CNTN4: variants seen among roughly 807,000 people sequenced by gnomAD.
The protein encoded by CNTN4 is contactin-4.
A neutral mutation model predicts 122.5 loss-of-function variants in CNTN4; 77 were observed. The ratio of observed to expected loss-of-function variants is 0.63; its 90% confidence interval spans 0.52 to 0.76. The LOEUF (loss-of-function observed/expected upper bound fraction) is 0.76, where lower values mean the gene tolerates loss of function less well. Ranked by LOEUF, CNTN4 falls within the 30% of genes least tolerant of loss-of-function variation. The probability of loss-of-function intolerance (pLI) is 0.00; values close to 1 mark genes in which losing one functional copy is unlikely to be tolerated. For synonymous variants in CNTN4, 512 were observed against 447.0 expected (o/e 1.15, Z -1.83); for missense variants, 1,256 against 1,259.1 (o/e 1.00, Z 0.04).
chr3:2,969,881 T>A (rs1479326924), intron 13 of CNTN4, among the ~76,000 whole-genome samples: 2 of 152,078 alleles, frequency 1.3e-5, no homozygotes, highest in Non-Finnish European at 2.9e-5. Flanking sequence ...TGGATGTGTG[T>A]CAGAACTCAA....
intron 4 of CNTN4, among the ~76,000 whole-genome samples, chr3:2,706,270 C>T (rs945956946): frequency 7.2e-5 from 11 of 151,994 alleles, no homozygotes; most frequent in Admixed American, 5.9e-4. Flanking sequence ...TTATGCCCAA[C>T]ACTATGATCA....
chr3:2,868,341 C>A (rs558340852), intron 8 of CNTN4, among the ~76,000 whole-genome samples: 1 of 152,302 alleles, frequency 6.6e-6, no homozygotes, highest in East Asian at 1.9e-4. Flanking sequence ...CTTACTGACT[C>A]CAGAGCCTGA....
chr3:2,801,910 G>T (rs1158505468), intron 6 of CNTN4, among the ~76,000 whole-genome samples: 1 of 152,096 alleles, frequency 6.6e-6, no homozygotes, highest in East Asian at 1.9e-4. Flanking sequence ...TGCTTACTGA[G>T]ATGTTTTCTT....
intron 12 of CNTN4, among the ~76,000 whole-genome samples, chr3:2,920,366 A>AC (rs2094416564): frequency 1.1e-5 from 1 of 87,010 alleles, no homozygotes; most frequent in East Asian, 4.1e-4. Context: ...TGACAATAGA[A>AC]TAGTTCCCTA....
In CNTN4 at chr3:3,038,932, G is replaced by T; in HGVS notation, c.2093-1G>T. 1 of 1,614,030 alleles carries T rather than the reference G, an allele frequency of 6.2e-7. No individual in the cohort carries two copies. Among genetic ancestry groups the T allele is most frequent in the Non-Finnish European group, 8.5e-7 (1 of 1,179,928 alleles). On this transcript the variant is annotated splice_acceptor_variant, in intron 18 of 24. Transcript: ENST00000418658. LOFTEE classifies it high-confidence loss of function. ...AACTTGTTTTTTGTCTCCTTGTGCA[G>T]TCCCCGAAGTCACACCAGCGAATGT...
At chr3:2,266,304 T>G (rs1575212146) in intron 2 of CNTN4, among the ~76,000 whole-genome samples, 1 of 152,222 alleles carries the variant, frequency 6.6e-6, no homozygotes, top group Non-Finnish European at 1.5e-5. Flanking sequence ...TGCACAAGTG[T>G]TGTTTTTCTT....
chr3:2,515,481 C>G (rs1234257221), intron 3 of CNTN4, among the ~76,000 whole-genome samples: 1 of 151,822 alleles, frequency 6.6e-6, no homozygotes, highest in Non-Finnish European at 1.5e-5. Flanking sequence ...AATTGTCTTG[C>G]CAAACAGTAT....
chr3:2,677,172 G>T (rs1478513245), intron 4 of CNTN4, among the ~76,000 whole-genome samples: 1 of 141,660 alleles, frequency 7.1e-6, no homozygotes, highest in Non-Finnish European at 1.6e-5. Context: ...TAGATAGATA[G>T]ATGTGTATAT....
chr3:2,353,101 C>G (rs1340459156), intron 3 of CNTN4, among the ~76,000 whole-genome samples: 1 of 152,072 alleles, frequency 6.6e-6, no homozygotes, highest in African/African-American at 2.4e-5. Flanking sequence ...ACTTTTATGT[C>G]TAGCCGGAGG....
intron 13 of CNTN4, among the ~76,000 whole-genome samples, chr3:2,964,695 T>G (rs1416508335): frequency 6.6e-6 from 1 of 152,184 alleles, no homozygotes; most frequent in African/African-American, 2.4e-5. Context: ...TGTAAGCAAG[T>G]GTAGCACTTT....
Position 2,351,652 on chromosome 3 carries a change from A to C in CNTN4, c.-89+12419A>C, listed in dbSNP as rs888889304. On this transcript the variant is annotated intron_variant, in intron 3 of 24. Transcript: ENST00000418658. ...AATGGTGTAGAATTTAAAACTTATG[A>C]ATTCTTTATTTCTGGAATTTCCCAT... Among the ~76,000 whole-genome samples the C allele has an allele frequency of 3.3e-5, 5 of 152,122 alleles. No individual in the cohort carries two copies. In the South Asian group the frequency reaches 6.2e-4, roughly 19 times the overall value.
chr3:2,784,686 G>A (rs1453447229), intron 6 of CNTN4, among the ~76,000 whole-genome samples: 1 of 152,296 alleles, frequency 6.6e-6, no homozygotes, highest in South Asian at 2.1e-4. Flanking sequence ...TGTGGTGGCC[G>A]ACCTGGCTGG....
chr3:2,281,294 G>A (rs1176469567), intron 2 of CNTN4, among the ~76,000 whole-genome samples: 1 of 152,090 alleles, frequency 6.6e-6, no homozygotes, highest in Admixed American at 6.6e-5. Flanking sequence ...AAGTAGGGAT[G>A]ATGACAATTC....
At chr3:2,781,842 A>C (rs986810379) in intron 6 of CNTN4, among the ~76,000 whole-genome samples, 1 of 128,736 alleles carries the variant, frequency 7.8e-6, no homozygotes, top group Non-Finnish European at 1.5e-5. Flanking sequence ...CTCCTGCCTC[A>C]GCCTCCCGAG....
chr3:2,787,414 G>T (rs2091871029), intron 6 of CNTN4, among the ~76,000 whole-genome samples: 1 of 152,056 alleles, frequency 6.6e-6, no homozygotes, highest in Admixed American at 6.6e-5. Context: ...AAATATAAAA[G>T]GCATCTGACC....
intron 2 of CNTN4, among the ~76,000 whole-genome samples, chr3:2,219,133 G>A (rs1559352268): frequency 6.6e-6 from 1 of 152,166 alleles, no homozygotes; most frequent in Non-Finnish European, 1.5e-5. Flanking sequence ...TGGTGAGTTG[G>A]CTCAATGCTG....
chr3:2,471,911 C>T (rs1014958885), intron 3 of CNTN4, among the ~76,000 whole-genome samples: 3 of 152,104 alleles, frequency 2.0e-5, no homozygotes, highest in African/African-American at 7.2e-5. Context: ...ATAAAATGCT[C>T]AGATGTGGCA....
intron 5 of CNTN4, among the ~76,000 whole-genome samples, chr3:2,736,791 T>TTTATTCAC (rs2089138735): frequency 6.6e-6 from 1 of 150,422 alleles, no homozygotes; most frequent in Admixed American, 6.6e-5. Flanking sequence ...TATTTATTTA[T>TTTATTCAC]TTATTTATTT....
At chr3:2,162,377 TG>T (rs2036003169) in intron 2 of CNTN4, among the ~76,000 whole-genome samples, 1 of 152,204 alleles carries the variant, frequency 6.6e-6, no homozygotes, top group African/African-American at 2.4e-5. Context: ...CCAAGAAATT[TG>T]GGGGTAAGAC....
Sources: gnomAD v4.1 joint callset for allele counts (sites outside exome capture counted in the v4.1 genomes callset) on GRCh38, gnomAD v4.1.1 for gene constraint, MANE v1.5 for transcripts, NCBI Gene and HGNC (gene_info 2026-07-23, HGNC 2026-07-21) for gene names.